APBB1IP: variants seen among roughly 807,000 people sequenced by gnomAD.
The protein encoded by APBB1IP is amyloid beta precursor protein binding family B member 1 interacting protein, also known as amyloid beta A4 precursor protein-binding family B member 1-interacting protein.
In APBB1IP, 27 loss-of-function variants were observed where a neutral mutation model predicts 64.9. The ratio of observed to expected loss-of-function variants is 0.42; its 90% CI spans 0.31 to 0.57. The LOEUF (loss-of-function observed/expected upper bound fraction) is 0.57, where lower values mean the gene tolerates loss of function less well. APBB1IP is among the 20% of genes least tolerant of loss of function. APBB1IP has a pLI of 0.20. For synonymous variants in APBB1IP, 392 were observed against 331.0 expected, an observed-to-expected ratio of 1.18 and a Z score of -2.00; for missense variants, 812 against 845.5, an observed-to-expected ratio of 0.96 and a Z score of 0.49.
intron 2 of APBB1IP, among the ~76,000 whole-genome samples, chr10:26,448,673 C>T (rs576154816): frequency 2.6e-5 from 4 of 152,198 alleles, no homozygotes; most frequent in South Asian, 2.1e-4. Context: ...TAAACCTACA[C>T]CCAGAATGCA....
chr10:26,562,297 C>T (rs754199590), intron 13 of APBB1IP, 29 bp from the exon 14 acceptor site: 8 of 1,524,292 alleles, frequency 5.2e-6, no homozygotes, highest in Non-Finnish European at 7.3e-6. Flanking sequence ...GCTTTGCTCA[C>T]TCTTCTTTTC....
chr10:26,545,341 T>G (rs1836746255), intron 11 of APBB1IP, among the ~76,000 whole-genome samples: 1 of 152,228 alleles, frequency 6.6e-6, no homozygotes, highest in South Asian at 2.1e-4. Context: ...TTAACAGACT[T>G]AGGCCAGGTG....
intron 2 of APBB1IP, among the ~76,000 whole-genome samples, chr10:26,481,813 G>A (rs1835836984): frequency 6.8e-6 from 1 of 146,112 alleles, no homozygotes; most frequent in East Asian, 2.0e-4. Flanking sequence ...AAATGTGGTA[G>A]CCCATCTCAT....
chr10:26,562,122 A>C (rs1564379712), intron 13 of APBB1IP: 1 of 469,304 alleles, frequency 2.1e-6, no homozygotes, highest in Non-Finnish European at 3.9e-6. Flanking sequence ...AGAACCTCAG[A>C]TTTTTCTTAA....
intron 11 of APBB1IP, 122 bp from the exon 12 acceptor site, chr10:26,559,983 A>T: frequency 1.3e-6 from 1 of 755,076 alleles, no homozygotes; most frequent in South Asian, 1.6e-5. Context: ...CATTACAACC[A>T]GTAATTTTTG....
At chr10:26,533,924 C>T (rs1476555045) in intron 9 of APBB1IP, among the ~76,000 whole-genome samples, 3 of 151,932 alleles carry the variant, frequency 2.0e-5, no homozygotes, top group Non-Finnish European at 1.5e-5. Flanking sequence ...GGACCCGTTA[C>T]AGGAGGCGGC....
chr10:26,492,110 A>G (rs1835962658), intron 2 of APBB1IP, among the ~76,000 whole-genome samples: 1 of 152,074 alleles, frequency 6.6e-6, no homozygotes, highest in African/African-American at 2.4e-5. Flanking sequence ...TGTGGCTCTG[A>G]GGCATTTCCC....
chr10:26,539,374 T>C (rs1588611232), intron 10 of APBB1IP, among the ~76,000 whole-genome samples: 1 of 136,594 alleles, frequency 7.3e-6, no homozygotes, highest in East Asian at 2.1e-4. Context: ...TTCGTGCCAC[T>C]GCACTCCAGC....
chr10:26,537,933 CAAAAA>C (rs11331595), intron 10 of APBB1IP, among the ~76,000 whole-genome samples: 1 of 106,988 alleles, frequency 9.3e-6, no homozygotes. Flanking sequence ...GACTAGGTCT[CAAAAA>C]AAAAAAAAAA....
At chr10:26,503,297 A>G (rs760290851) in intron 6 of APBB1IP, 23 bp downstream of exon 6, 1 of 1,612,406 alleles carries the variant, frequency 6.2e-7, no homozygotes, top group Non-Finnish European at 8.5e-7. Flanking sequence ...TCCCTTTTGC[A>G]TGGGGGCAGT....
At chr10:26,539,779 A>G (rs1836674807) in intron 10 of APBB1IP, among the ~76,000 whole-genome samples, 1 of 152,202 alleles carries the variant, frequency 6.6e-6, no homozygotes, top group Non-Finnish European at 1.5e-5. Flanking sequence ...AGATAAACAT[A>G]CAGAAAAATG....
chr10:26,494,985 A>G (rs1345147819), intron 3 of APBB1IP, among the ~76,000 whole-genome samples: 2 of 151,244 alleles, frequency 1.3e-5, no homozygotes, highest in South Asian at 4.2e-4. Context: ...GATGGCAACC[A>G]TATTTCTTTC....
intron 2 of APBB1IP, among the ~76,000 whole-genome samples, chr10:26,444,308 A>C (rs551065711): frequency 6.6e-6 from 1 of 152,318 alleles, no homozygotes; most frequent in South Asian, 2.1e-4. Flanking sequence ...TCCAGAGGCC[A>C]TTATAAAACT....
chr10:26,443,532 C>CTTTATTTATTTATTTATTTA (rs71401892), intron 2 of APBB1IP, among the ~76,000 whole-genome samples: 3 of 151,176 alleles, frequency 2.0e-5, no homozygotes, highest in African/African-American at 7.3e-5. Flanking sequence ...GTCATCTCCA[C>CTTTATTTATTTATTTATTTA]TTTATTTATT....
intron 2 of APBB1IP, among the ~76,000 whole-genome samples, chr10:26,448,152 A>ATTAT (rs59636619): frequency 6.6e-6 from 1 of 151,846 alleles, no homozygotes; most frequent in African/African-American, 2.4e-5. Context: ...AAAATAATAT[A>ATTAT]TTAATTTTGA....
intron 8 of APBB1IP, among the ~76,000 whole-genome samples, chr10:26,518,028 C>A (rs1183374045): frequency 6.6e-6 from 1 of 152,150 alleles, no homozygotes; most frequent in African/African-American, 2.4e-5. Flanking sequence ...AATCTAGGCT[C>A]ACTGCAACTT....
chr10:26,480,620 CTTTTTTTTTT>C (rs535190399), intron 2 of APBB1IP, among the ~76,000 whole-genome samples: 1 of 83,940 alleles, frequency 1.2e-5, no homozygotes, highest in African/African-American at 4.9e-5. Context: ...TGAGCTGCTT[CTTTTTTTTTT>C]TTTTTTTTTT....
At position 26,533,655 on chromosome 10, in the gene APBB1IP, A is replaced by G. The variant is rs1440895449; in HGVS notation, c.900+130A>G. On this transcript the variant is annotated intron_variant, in intron 9 of 14. Coordinates refer to ENST00000376236, the MANE Select transcript of APBB1IP (RefSeq NM_019043.4). ...ATTTTAAGTTGGGGTGTTAAAATCAAATTATTTCTAAATTATAGCTATTTA... is the reference window on the plus strand; with the variant it reads ...ATTTTAAGTTGGGGTGTTAAAATCAGATTATTTCTAAATTATAGCTATTTA... 6.1e-6 allele frequency: 3 copies of G among 489,752 alleles called. No homozygotes were observed. The Admixed American group carries it at 1.3e-4, about 21-fold the overall frequency. The allele number at this position is 489,752 out of a possible 1,614,324, so 30.3% of individuals were successfully genotyped here.
At chr10:26,517,589 G>A (rs1286817286) in intron 8 of APBB1IP, among the ~76,000 whole-genome samples, 7 of 152,166 alleles carry the variant, frequency 4.6e-5, no homozygotes, top group African/African-American at 1.4e-4. Context: ...ACAGGCACAG[G>A]CCATCACACC....
Sources: allele counts gnomAD v4.1 joint callset (sites outside exome capture counted in the v4.1 genomes callset), GRCh38; gene constraint gnomAD v4.1.1; transcripts MANE v1.5; gene names NCBI Gene and HGNC (gene_info 2026-07-23, HGNC 2026-07-21).